TAOK3: variants seen among roughly 807,000 people sequenced by gnomAD.
The protein encoded by TAOK3 is TAO kinase 3.
Under a neutral mutation model 120.4 loss-of-function variants are expected in TAOK3, and 40 were observed. The ratio of observed to expected loss-of-function variants is 0.33; its 90% CI spans 0.26 to 0.43. TAOK3 has a LOEUF of 0.43. Ranked by LOEUF, TAOK3 falls within the 20% of genes least tolerant of loss-of-function variation. The pLI, the probability that TAOK3 is intolerant of heterozygous loss-of-function variation, is 1.00. For missense variants in TAOK3, 821 were observed against 1,112.1 expected (o/e 0.74, Z 3.72); for synonymous variants, 355 against 387.5 (o/e 0.92, Z 0.99).
chr12:118,175,906 A>G (rs1026122612), intron 16 of TAOK3, among the ~76,000 whole-genome samples: 6 of 152,216 alleles, frequency 3.9e-5, no homozygotes, highest in African/African-American at 1.4e-4. Context: ...ATATTCCAGA[A>G]TCAATCATTC....
At chr12:118,311,994 T>C (rs2043281651) in intron 1 of TAOK3, among the ~76,000 whole-genome samples, 1 of 152,090 alleles carries the variant, frequency 6.6e-6, no homozygotes, top group Non-Finnish European at 1.5e-5. Flanking sequence ...GGTGGAGACG[T>C]GGTAAGGGAC....
intron 11 of TAOK3, among the ~76,000 whole-genome samples, chr12:118,203,883 T>G (rs1349649633): frequency 1.3e-5 from 2 of 152,202 alleles, no homozygotes; most frequent in African/African-American, 4.8e-5. Flanking sequence ...AAAACAGGTT[T>G]GTGGGCTATT....
At chr12:118,363,987 G>A (rs1315792883) in intron 1 of TAOK3, among the ~76,000 whole-genome samples, 1 of 151,998 alleles carries the variant, frequency 6.6e-6, no homozygotes, top group Non-Finnish European at 1.5e-5. Context: ...TGGGCATGGT[G>A]ACGCATGCCT....
intron 8 of TAOK3, among the ~76,000 whole-genome samples, chr12:118,234,268 G>A (rs1253527135): frequency 9.0e-5 from 9 of 99,688 alleles, no homozygotes; most frequent in East Asian, 5.8e-4. Context: ...TGGCTCTGTC[G>A]CCCAGGCTGG....
intron 1 of TAOK3, among the ~76,000 whole-genome samples, chr12:118,289,765 C>A (rs954829443): frequency 6.6e-6 from 1 of 152,088 alleles, no homozygotes; most frequent in Non-Finnish European, 1.5e-5. Context: ...GAGGCCAGGG[C>A]AGGCGAATCA....
Position 118,235,689 on chromosome 12 carries a change from A to AG in TAOK3, c.438-19dup. Reference sequence around the variant, plus strand: ...TAATATCCCTATAGGAAAAAAAAAAAGGGTTAGAAAATTACTTTTCAATTT... The same window carrying AG: ...TAATATCCCTATAGGAAAAAAAAAAAGGGGTTAGAAAATTACTTTTCAATTT... On this transcript the variant is annotated intron_variant, in intron 7 of 20. Coordinates refer to ENST00000392533, the MANE Select transcript of TAOK3 (RefSeq NM_016281.4). The AG allele has an allele frequency of 6.7e-7, 1 of 1,494,750 alleles. No individual in the cohort carries two copies. The highest frequency in any genetic ancestry group is 9.2e-7 in the Non-Finnish European group (1 of 1,082,158). 92.6% of individuals were successfully genotyped at this position (1,494,750 alleles called of 1,614,324 possible). A position where few individuals can be genotyped will look rare whatever the true frequency, so the allele number is the denominator to read the frequency against.
chr12:118,282,315 A>C (rs976492127), intron 1 of TAOK3, among the ~76,000 whole-genome samples: 1 of 152,242 alleles, frequency 6.6e-6, no homozygotes, highest in African/African-American at 2.4e-5. Context: ...GCCAGATGTG[A>C]ATCTAATCTT....
chr12:118,304,209 C>T (rs921253049), intron 1 of TAOK3, among the ~76,000 whole-genome samples: 2 of 152,140 alleles, frequency 1.3e-5, no homozygotes, highest in Non-Finnish European at 2.9e-5. Flanking sequence ...AGTGATTCAA[C>T]GGGCTGAATT....
At chr12:118,291,367 G>T (rs1388981140) in intron 1 of TAOK3, among the ~76,000 whole-genome samples, 1 of 151,768 alleles carries the variant, frequency 6.6e-6, no homozygotes, top group Non-Finnish European at 1.5e-5. Context: ...TACCATGTTG[G>T]CCAGGCTGGT....
At chr12:118,292,043 G>C (rs113764840) in intron 1 of TAOK3, among the ~76,000 whole-genome samples, 2 of 152,042 alleles carry the variant, frequency 1.3e-5, no homozygotes, top group African/African-American at 4.8e-5. Context: ...TCCTGACCTC[G>C]TGATCTGCTG....
At chr12:118,309,453 C>T (rs1437329201) in intron 1 of TAOK3, among the ~76,000 whole-genome samples, 3 of 151,520 alleles carry the variant, frequency 2.0e-5, no homozygotes, top group Non-Finnish European at 4.4e-5. Flanking sequence ...AATTTTATTT[C>T]TTGAAACAAC....
chr12:118,234,354 G>GAGTAGCTGGGACTACA (rs1173954065), intron 8 of TAOK3, among the ~76,000 whole-genome samples: 1 of 150,032 alleles, frequency 6.7e-6, no homozygotes, highest in African/African-American at 2.5e-5. Flanking sequence ...TCAGACTCCC[G>GAGTAGCTGGGACTACA]AGTAGCTGGG....
intron 1 of TAOK3, among the ~76,000 whole-genome samples, chr12:118,338,786 CAAAAAAAAAA>C (rs71069438): frequency 3.6e-4 from 18 of 49,858 alleles, no homozygotes; most frequent in Admixed American, 9.2e-4. Context: ...GACTCCGTCT[CAAAAAAAAAA>C]AAAAAAAAAA....
At chr12:118,199,030 G>A in intron 13 of TAOK3, 21 bp downstream of exon 13, 1 of 1,613,528 alleles carries the variant, frequency 6.2e-7, no homozygotes, top group Non-Finnish European at 8.5e-7. Context: ...TCACCTCTGT[G>A]GAGGGTACCA....
At chr12:118,176,806 G>A (rs1000699899) in intron 16 of TAOK3, among the ~76,000 whole-genome samples, 4 of 150,926 alleles carry the variant, frequency 2.7e-5, no homozygotes, top group African/African-American at 9.8e-5. Context: ...TGCTCTTGTC[G>A]CCCAGACTGG....
At position 118,183,294 on chromosome 12, in the gene TAOK3, A is replaced by C. The variant is rs79572825; in HGVS notation, c.1330-1687T>G. Among the ~76,000 whole-genome samples the C allele has an allele frequency of 1.8e-3, 271 of 152,312 alleles. 3 individuals are homozygous for C. The highest frequency in any genetic ancestry group is 6.3e-3 in the African/African-American group (261 of 41,564). ...CATACTAAATTGAGTCCTTACTAACAAGAGAGTGCTGTTCTGTAACTAGAT... is the reference window on the plus strand; with the variant it reads ...CATACTAAATTGAGTCCTTACTAACCAGAGAGTGCTGTTCTGTAACTAGAT... On this transcript the variant is annotated intron_variant, in intron 14 of 20. Coordinates refer to ENST00000392533, the MANE Select transcript of TAOK3 (RefSeq NM_016281.4).
chr12:118,225,117 G>A (rs1230154572), intron 9 of TAOK3, among the ~76,000 whole-genome samples: 1 of 151,506 alleles, frequency 6.6e-6, no homozygotes, highest in African/African-American at 2.4e-5. Flanking sequence ...GAGTGGTGGT[G>A]GGTGCCTGTA....
chr12:118,225,962 T>C (rs353884), intron 9 of TAOK3, among the ~76,000 whole-genome samples: 113,034 of 152,184 alleles, frequency 0.74, 42,181 homozygotes, highest in African/African-American at 0.81. Context: ...TAAAATGGGC[T>C]GGCATGATGG....
chr12:118,214,249 A>G (rs754662992), intron 9 of TAOK3, 139 bp from the exon 10 acceptor site: 15 of 651,932 alleles, frequency 2.3e-5, no homozygotes, highest in Admixed American at 1.0e-4. Flanking sequence ...ACTTATTTTA[A>G]TCTCTAAGGT....
Sources: allele counts gnomAD v4.1 joint callset (sites outside exome capture counted in the v4.1 genomes callset), GRCh38; gene constraint gnomAD v4.1.1; transcripts MANE v1.5; gene names NCBI Gene and HGNC (gene_info 2026-07-23, HGNC 2026-07-21).